DNAH10: variants seen among roughly 807,000 people sequenced by gnomAD.
DNAH10 encodes dynein axonemal heavy chain 10.
In DNAH10, 348 loss-of-function variants were observed where a neutral mutation model predicts 506.6. The ratio of observed to expected loss-of-function variants is 0.69; its 90% CI spans 0.63 to 0.75. The LOEUF is 0.75. Among genes scored for constraint, DNAH10 ranks in the 30% least tolerant of loss-of-function variants. The pLI is 0.00. For synonymous variants in DNAH10, 2,059 were observed against 2,198.6 expected (o/e 0.94, Z 1.78); for missense variants, 5,179 against 5,787.1 (o/e 0.89, Z 3.41).
chr12:123,796,024 T>TA (rs985635919), intron 12 of DNAH10, among the ~76,000 whole-genome samples: 3 of 150,852 alleles, frequency 2.0e-5, no homozygotes, highest in East Asian at 1.9e-4. Context: ...AACTAAAAAT[T>TA]AAAAAAAAAC....
chr12:123,919,017 C>A lies in DNAH10; in HGVS notation c.11506+68C>A. 6.9e-7 allele frequency: 1 copy of A among 1,450,064 alleles called. No homozygotes were observed. The allele number at this position is 1,450,064 out of a possible 1,614,324, so 89.8% of individuals were successfully genotyped here. ...TGTGCCAGACGTGGCTTTAAGGAAA[C>A]GTGATCTGTGAAAATGGAAAGTTAC... On this transcript the variant is annotated intron_variant, in intron 65 of 78. Transcript: ENST00000673944. The surrounding 1 kb of genome is among the most constrained non-coding windows in gnomAD (Gnocchi z 4.9).
intron 47 of DNAH10, 80 bp downstream of exon 47, chr12:123,875,571 T>A: frequency 6.4e-7 from 1 of 1,556,216 alleles, no homozygotes; most frequent in Non-Finnish European, 8.8e-7. Context: ...CTTATCCATG[T>A]AGGCACAGCA....
chr12:123,857,176 C>G lies in DNAH10; in HGVS notation c.6559C>G (p.Arg2187Gly). ...TCCTGGGCTGGACTGCCCTCGCGTCCGCTACCCTGACTTCAACGATGCGGT... is the reference window on the plus strand; with the variant it reads ...TCCTGGGCTGGACTGCCCTCGCGTCGGCTACCCTGACTTCAACGATGCGGT... Reference protein sequence around the residue: ...LFPGLDCPRVRYPDFNDAVEQ... With the variant: ...LFPGLDCPRVGYPDFNDAVEQ... Residue 2187 changes from arginine (R) to glycine (G), a missense_variant, in exon 37 of 79, where the codon CGC (arginine) becomes GGC (glycine). Physicochemically the swap from Arg to Gly is moderately radical, Grantham distance 125. Transcript: ENST00000673944. 1.2e-6 allele frequency: 2 copies of G among 1,608,906 alleles called. No homozygotes were observed. Among genetic ancestry groups the G allele is most frequent in the South Asian group, 1.1e-5 (1 of 89,950 alleles).
rs1223497727 is a variant in DNAH10, at chr12:123,787,850, A to G, written c.1468A>G (p.Thr490Ala). 6.2e-7 allele frequency: 1 copy of G among 1,614,002 alleles called. No individual in the cohort carries two copies. Among genetic ancestry groups the G allele is most frequent in the Admixed American group, 1.7e-5 (1 of 59,978 alleles). ...AAGCAAAACCTTGGAAGCCAGGAAC[A>G]CCCTCAGGCTGTGGAAAAAGGCCTA... ...AQSKTLEARN[T>A]LRLWKKAYFD... The change falls in exon 10 of 79, where the codon ACC becomes GCC. Residue 490 changes from threonine (T) to alanine (A), a missense_variant. Coordinates refer to ENST00000673944, the MANE Select transcript of DNAH10 (RefSeq NM_001372106.1). The surrounding 1 kb of genome is among the most constrained non-coding windows in gnomAD (Gnocchi z 4.6).
chr12:123,857,213 T>C lies in DNAH10; in HGVS notation c.6596T>C (p.Leu2199Pro). The C allele has an allele frequency of 6.3e-7, 1 of 1,596,764 alleles. No individual in the cohort carries two copies. Among genetic ancestry groups the C allele is most frequent in the Non-Finnish European group, 8.5e-7 (1 of 1,171,130 alleles). Residue 2199 changes from leucine to proline, a missense_variant, in exon 37 of 79, where the codon CTG (leucine) becomes CCG (proline). Coordinates refer to ENST00000673944, the MANE Select transcript of DNAH10 (RefSeq NM_001372106.1). Reference protein sequence around the residue: ...PDFNDAVEQVLEENGYAVLPI... With the variant: ...PDFNDAVEQVPEENGYAVLPI... ...TTCAACGATGCGGTAGAGCAGGTCC[T>C]GGAGGAGAACGGCTACGCGGTCCTA...
In DNAH10 at chr12:123,786,681, G is replaced by A. The variant is rs1405733749; in HGVS notation, c.1421+745G>A. Reference sequence around the variant, plus strand: ...GTTTCAGATACATATATGTGTGTGTGCACACACATATATCTACATGAAATT... The same window carrying A: ...GTTTCAGATACATATATGTGTGTGTACACACACATATATCTACATGAAATT... On this transcript the variant is annotated intron_variant, in intron 9 of 78. Transcript: ENST00000673944. Among the ~76,000 whole-genome samples, 8 of 125,584 alleles carry A rather than the reference G, an allele frequency of 6.4e-5. No individual in the cohort carries two copies. In the South Asian group the frequency reaches 2.1e-3, roughly 32 times the overall value. The allele number at this position is 125,584 out of a possible 152,430, so 82.4% of individuals were successfully genotyped here.
At chr12:123,852,036 G>A (rs571616397) in intron 35 of DNAH10, among the ~76,000 whole-genome samples, 1 of 152,138 alleles carries the variant, frequency 6.6e-6, no homozygotes, top group African/African-American at 2.4e-5. Context: ...CTCCCGAGTA[G>A]CTGGGACTAC....
intron 25 of DNAH10, 149 bp downstream of exon 25, chr12:123,827,047 A>T (rs552795755): frequency 1.6e-6 from 1 of 623,850 alleles, no homozygotes; most frequent in East Asian, 2.8e-5. Context: ...ACACAGTTCT[A>T]TAATGTTGTT....
Position 123,787,522 on chromosome 12 carries a change from C to T in DNAH10, c.1422-282C>T, listed in dbSNP as rs1184029330. Among the ~76,000 whole-genome samples, 1 of 152,270 alleles carries T rather than the reference C, an allele frequency of 6.6e-6. No homozygotes were observed. The highest frequency in any genetic ancestry group is 1.5e-5 in the Non-Finnish European group (1 of 68,054). On this transcript the variant is annotated intron_variant, in intron 9 of 78. Transcript: ENST00000673944. This position sits in a 1 kb window ranked among gnomAD's most constrained non-coding sequence, Gnocchi z 4.6. Reference sequence around the variant, plus strand: ...CCGCTGTTGACCTCTGGCCTGGGGCCAAGGCCACCTGCCCCTTCTGGTGTA... The same window carrying T: ...CCGCTGTTGACCTCTGGCCTGGGGCTAAGGCCACCTGCCCCTTCTGGTGTA...
rs1280346048 is a variant in DNAH10 at position 123,762,506 on chromosome 12, T to G, written c.170T>G (p.Phe57Cys). The part of the protein sequence containing the change: ...ASEEEGPSAL[F>C]IYRTMVPEEV... ...GAGGAGGAGGGGCCCTCGGCGCTCT[T>G]CATCTACCGCACTATGGTGCCGGAG... Residue 57 changes from phenylalanine (F) to cysteine (C), a missense_variant, in exon 1 of 79, where the codon TTC becomes TGC. By Grantham distance (205) the Phe-to-Cys change is radical. This residue lies in a region of DNAH10 where 326 missense variants were observed against 330.8 expected (regional missense o/e 0.99). Transcript: ENST00000673944. The surrounding 1 kb of genome is among the most constrained non-coding windows in gnomAD (Gnocchi z 5.0). 15 of 1,539,952 alleles carry G rather than the reference T, an allele frequency of 9.7e-6. No homozygotes were observed. Among genetic ancestry groups the G allele is most frequent in the African/African-American group, 1.4e-5 (1 of 71,722 alleles).
chr12:123,801,671 T>C (rs1958487374), intron 16 of DNAH10, among the ~76,000 whole-genome samples: 1 of 152,138 alleles, frequency 6.6e-6, no homozygotes. Context: ...CAAAAGAAAA[T>C]CACCTTTACT....
chr12:123,935,300 T>C, intron 78 of DNAH10, 35 bp from the exon 79 acceptor site: 1 of 1,589,674 alleles, frequency 6.3e-7, no homozygotes, highest in East Asian at 2.3e-5. Flanking sequence ...GCACCCTCTC[T>C]CCGTGGGGGC....
intron 43 of DNAH10, among the ~76,000 whole-genome samples, chr12:123,868,681 C>T (rs184283895): frequency 6.6e-6 from 1 of 152,340 alleles, no homozygotes; most frequent in African/African-American, 2.4e-5. Context: ...TGGTAGGACC[C>T]TTCTTTATCC....
intron 24 of DNAH10, among the ~76,000 whole-genome samples, chr12:123,825,183 A>G (rs1219776924): frequency 2.0e-5 from 3 of 152,136 alleles, no homozygotes; most frequent in Non-Finnish European, 4.4e-5. Context: ...AGGATGGAAG[A>G]TTGATCACAG....
Position 123,804,952 on chromosome 12 carries a change from A to C in DNAH10, c.2899A>C (p.Thr967Pro). ...CAAAGTTGAGGGCCTGGTCGTCCAC[A>C]CCAACACAGGCAAGGCCCCCAAGCT... ...LTKVEGLVVH[T>P]NTGKAPKLAS... The change falls in exon 18 of 79, where the codon ACC becomes CCC. Residue 967 changes from threonine (T) to proline (P), a missense_variant. Physicochemically the swap from Thr to Pro is conservative, Grantham distance 38. This residue lies in a region of DNAH10 where 4,844 missense variants were observed against 5,430.5 expected (regional missense o/e 0.89). Transcript: ENST00000673944. 3 of 1,614,218 alleles carry C rather than the reference A, an allele frequency of 1.9e-6. No individual in the cohort carries two copies. Among genetic ancestry groups the C allele is most frequent in the Non-Finnish European group, 2.5e-6 (3 of 1,180,040 alleles).
Position 123,877,756 on chromosome 12 carries a change from G to T in DNAH10, c.8220G>T (p.Val2740=), listed in dbSNP as rs776819777. 6.8e-6 allele frequency: 11 copies of T among 1,613,610 alleles called. No individual in the cohort carries two copies. The highest frequency in any genetic ancestry group is 9.3e-6 in the Non-Finnish European group (11 of 1,179,780). Residue 2740 remains valine (V), a synonymous_variant, in exon 48 of 79, where the codon GTG becomes GTT. Transcript: ENST00000673944. ...GHTSTFHESI[V]AVSGKLTFCT... is the part of the protein sequence containing the mutation. ...TTCAGACGTTTCATGAGAGCATTGT[G>T]GCTGTGAGTGGCAAGCTGACATTCT...
At chr12:123,880,495 G>A (rs1390922623) in intron 50 of DNAH10, among the ~76,000 whole-genome samples, 3 of 152,008 alleles carry the variant, frequency 2.0e-5, no homozygotes, top group East Asian at 3.9e-4. Flanking sequence ...ACACATCACC[G>A]TGCCCAGCTG....
intron 6 of DNAH10, 80 bp from the exon 7 acceptor site, chr12:123,783,027 C>G (rs1402922402): frequency 7.0e-7 from 1 of 1,428,420 alleles, no homozygotes; most frequent in Non-Finnish European, 9.8e-7. Context: ...GAGAGACGAC[C>G]CAGCCGGTGA....
At chr12:123,898,387 A>C (rs896325283) in intron 55 of DNAH10, among the ~76,000 whole-genome samples, 3 of 152,112 alleles carry the variant, frequency 2.0e-5, no homozygotes, top group African/African-American at 7.2e-5. Flanking sequence ...CATTAGAGAC[A>C]ACTATCTGCT....
Sources: gnomAD v4.1 joint callset for allele counts (sites outside exome capture counted in the v4.1 genomes callset) on GRCh38, gnomAD v4.1.1 for gene constraint, gnomAD v4.1.1 regional missense constraint, Gnocchi (gnomAD v3.1) non-coding constraint, MANE v1.5 for transcripts, NCBI Gene and HGNC (gene_info 2026-07-23, HGNC 2026-07-21) for gene names.